Variants in NPAS3 observed in about 807,000 individuals in gnomAD.
NPAS3 encodes the protein neuronal PAS domain protein 3, also known as neuronal PAS domain-containing protein 3.
In NPAS3, 14 loss-of-function variants were observed where a neutral mutation model predicts 73.1. That is an observed-to-expected ratio of 0.19 (90% CI 0.13 to 0.30). The LOEUF is 0.30. Among genes scored for constraint, NPAS3 ranks in the 10% least tolerant of loss-of-function variants. The pLI is 1.00. For missense variants in NPAS3, 1,096 were observed against 1,250.0 expected, an observed-to-expected ratio of 0.88 and a Z score of 1.86; for synonymous variants, 620 against 541.5, an observed-to-expected ratio of 1.14 and a Z score of -2.01.
intron 2 of NPAS3, among the ~76,000 whole-genome samples, chr14:33,145,827 G>C (rs2044219339): frequency 6.6e-6 from 1 of 152,132 alleles, no homozygotes. Flanking sequence ...AGAAATGTCA[G>C]GGCCAGGGTA....
intron 4 of NPAS3, among the ~76,000 whole-genome samples, chr14:33,374,706 G>GC (rs1372219462): frequency 2.0e-5 from 3 of 149,190 alleles, no homozygotes; most frequent in Admixed American, 1.3e-4. Context: ...TGTCGGGGCG[G>GC]GGGGGGGAGT....
At chr14:33,412,223 ATTC>A (rs1421958616) in intron 4 of NPAS3, among the ~76,000 whole-genome samples, 1 of 152,116 alleles carries the variant, frequency 6.6e-6, no homozygotes, top group Non-Finnish European at 1.5e-5. Context: ...GGCTCAAGCA[ATTC>A]TTCTACATCA....
At chr14:33,395,564 G>A (rs771949740) in intron 4 of NPAS3, among the ~76,000 whole-genome samples, 21 of 151,746 alleles carry the variant, frequency 1.4e-4, no homozygotes, top group Admixed American at 9.2e-4. Context: ...ACATATATGC[G>A]TGTATACATA....
In NPAS3 at chr14:32,953,421, A is replaced by G. The variant is rs571609785; in HGVS notation, c.50+14055A>G. Among the ~76,000 whole-genome samples, 129 of 152,296 alleles carry G rather than the reference A, an allele frequency of 8.5e-4. 1 individual carries two copies. Among genetic ancestry groups the G allele is most frequent in the African/African-American group, 2.9e-3 (121 of 41,570 alleles). On this transcript the variant is annotated intron_variant, in intron 1 of 11. Transcript: ENST00000356141. The stretch of plus-strand genomic sequence containing the variant: ...TTCATACGAGGTCACAAAGACTTTC[A>G]GTAGGCCCTGACTGAGTGAGGCGTC...
At chr14:33,346,285 T>C (rs1461304030) in intron 3 of NPAS3, among the ~76,000 whole-genome samples, 1 of 151,298 alleles carries the variant, frequency 6.6e-6, no homozygotes, top group South Asian at 2.1e-4. Context: ...TCTCAGCACT[T>C]TGGGAGGCCA....
At chr14:33,183,121 T>G (rs372320256) in intron 2 of NPAS3, among the ~76,000 whole-genome samples, 1 of 152,190 alleles carries the variant, frequency 6.6e-6, no homozygotes, top group African/African-American at 2.4e-5. Context: ...TAACTCTCGA[T>G]GTACCTTAGA....
chr14:33,588,212 G>A (rs954800688), intron 5 of NPAS3, among the ~76,000 whole-genome samples: 7 of 152,298 alleles, frequency 4.6e-5, no homozygotes, highest in African/African-American at 1.7e-4. Flanking sequence ...AGGTTCCTAT[G>A]GCTCTAAAAT....
chr14:33,322,571 T>A (rs942580327), intron 3 of NPAS3, among the ~76,000 whole-genome samples: 1 of 152,070 alleles, frequency 6.6e-6, no homozygotes, highest in Non-Finnish European at 1.5e-5. Context: ...TTTAAAGAAG[T>A]CTTTTTGTCA....
chr14:33,185,498 T>C (rs893626245), intron 2 of NPAS3, among the ~76,000 whole-genome samples: 1 of 152,216 alleles, frequency 6.6e-6, no homozygotes, highest in African/African-American at 2.4e-5. Context: ...AAATATCATT[T>C]CCTCCTATAT....
intron 3 of NPAS3, among the ~76,000 whole-genome samples, chr14:33,305,262 GCTT>G (rs1566779051): frequency 2.6e-5 from 4 of 151,756 alleles, no homozygotes; most frequent in Admixed American, 1.3e-4. Context: ...TAGTCATTTT[GCTT>G]CTTAAGTTAG....
chr14:33,046,967 C>A (rs889173897), intron 1 of NPAS3, among the ~76,000 whole-genome samples: 2 of 151,860 alleles, frequency 1.3e-5, no homozygotes, highest in Non-Finnish European at 2.9e-5. Flanking sequence ...GAGTGAGACT[C>A]CATCTTAAAA....
intron 2 of NPAS3, among the ~76,000 whole-genome samples, chr14:33,133,776 T>C (rs2139124786): frequency 6.6e-6 from 1 of 152,238 alleles, no homozygotes; most frequent in Admixed American, 6.6e-5. Context: ...CCTAGAGGTT[T>C]ACAAGCTTTA....
chr14:33,560,373 C>A, intron 5 of NPAS3, 163 bp downstream of exon 5: 1 of 476,658 alleles, frequency 2.1e-6, no homozygotes, highest in Non-Finnish European at 3.8e-6. Flanking sequence ...ACCTGTGTGT[C>A]AGTGTTGAAC....
intron 4 of NPAS3, among the ~76,000 whole-genome samples, chr14:33,376,797 A>G (rs1356324211): frequency 6.6e-6 from 1 of 152,196 alleles, no homozygotes; most frequent in Non-Finnish European, 1.5e-5. Flanking sequence ...TTTCATCTTT[A>G]AAATGGAGAA....
chr14:33,595,539 T>G (rs1311023322), intron 5 of NPAS3, among the ~76,000 whole-genome samples: 1 of 152,030 alleles, frequency 6.6e-6, no homozygotes, highest in Non-Finnish European at 1.5e-5. Flanking sequence ...TTAGAACATA[T>G]GCATGTAAAA....
intron 2 of NPAS3, among the ~76,000 whole-genome samples, chr14:33,210,825 A>C (rs1037442468): frequency 1.3e-5 from 2 of 152,166 alleles, no homozygotes; most frequent in African/African-American, 4.8e-5. Flanking sequence ...TTAAGCATCC[A>C]CTAATTAAAT....
intron 4 of NPAS3, among the ~76,000 whole-genome samples, chr14:33,484,173 AG>A (rs2051466390): frequency 2.0e-5 from 3 of 152,140 alleles, no homozygotes; most frequent in Admixed American, 2.0e-4. Flanking sequence ...GAGGAAAATA[AG>A]GCAATATGGG....
chr14:33,302,557 G>A (rs78488385), intron 3 of NPAS3, among the ~76,000 whole-genome samples: 6,133 of 152,264 alleles, frequency 0.04, 145 homozygotes, highest in Non-Finnish European at 0.061. Context: ...TTATTTTTAG[G>A]CTTTGGAATA....
At chr14:33,767,647 G>A (rs928681086) in intron 7 of NPAS3, among the ~76,000 whole-genome samples, 12 of 140,716 alleles carry the variant, frequency 8.5e-5, no homozygotes, top group Admixed American at 3.0e-4. Context: ...TCCCCTAGTC[G>A]CCTAGCCCTA....
Sources: gnomAD v4.1 joint callset for allele counts (sites outside exome capture counted in the v4.1 genomes callset) on GRCh38, gnomAD v4.1.1 for gene constraint, MANE v1.5 for transcripts, NCBI Gene and HGNC (gene_info 2026-07-23, HGNC 2026-07-21) for gene names.